The following SCAPER variants were observed in gnomAD, a reference collection of about 807,000 sequenced individuals.
SCAPER encodes the protein S phase cyclin A-associated protein in the endoplasmic reticulum.
SCAPER carries 98 observed loss-of-function variants against 182.2 expected under a neutral mutation model. The observed-to-expected ratio is 0.54, with a 90% CI of 0.46 to 0.64. The LOEUF (loss-of-function observed/expected upper bound fraction) is 0.64. SCAPER is among the 30% of genes least tolerant of loss of function. The pLI, the probability that SCAPER is intolerant of heterozygous loss-of-function variation, is 0.00. For synonymous variants in SCAPER, 605 were observed against 564.6 expected (o/e 1.07, Z -1.01); for missense variants, 1,432 against 1,690.0 (o/e 0.85, Z 2.68).
At chr15:76,375,820 C>T (rs1469335420) in intron 29 of SCAPER, among the ~76,000 whole-genome samples, 1 of 152,048 alleles carries the variant, frequency 6.6e-6, no homozygotes, top group Non-Finnish European at 1.5e-5. Context: ...CCCATCTCTA[C>T]TAAAAATACA....
At chr15:76,749,143 C>T (rs1247716658) in intron 15 of SCAPER, among the ~76,000 whole-genome samples, 1 of 151,116 alleles carries the variant, frequency 6.6e-6, no homozygotes, top group East Asian at 1.9e-4. Context: ...CACCAATACA[C>T]AAAAATGATA....
chr15:76,800,734 G>C (rs2065721799), intron 6 of SCAPER, among the ~76,000 whole-genome samples: 2 of 152,232 alleles, frequency 1.3e-5, no homozygotes, highest in South Asian at 4.1e-4. Context: ...CAATCTACTT[G>C]TCTCTGATGT....
At chr15:76,686,007 G>A (rs570506391) in intron 20 of SCAPER, among the ~76,000 whole-genome samples, 85 of 152,070 alleles carry the variant, frequency 5.6e-4, no homozygotes, top group Middle Eastern at 3.4e-3. Context: ...CTTTTATAAC[G>A]TAAGATAGAG....
At chr15:76,785,604 A>G (rs1211996009) in intron 8 of SCAPER, among the ~76,000 whole-genome samples, 1 of 152,250 alleles carries the variant, frequency 6.6e-6, no homozygotes, top group Non-Finnish European at 1.5e-5. Flanking sequence ...ACTATTCACA[A>G]TAGAAAAGAC....
rs11395127 is a variant in SCAPER at position 76,799,287 on chromosome 15, A to ATT, written c.611+959_611+960dup. 4.1e-3 allele frequency among the ~76,000 whole-genome samples: 573 copies of ATT among 140,438 alleles called. 8 individuals are homozygous for ATT. The highest frequency in any genetic ancestry group is 0.032 in the South Asian group (143 of 4,408). The allele number at this position is 140,438 out of a possible 152,430, so 92.1% of individuals were successfully genotyped here. A position where few individuals can be genotyped will look rare whatever the true frequency, so the allele number is the denominator to read the frequency against. ...AAAAGCTAAACTATAATCTCCTGGA[A>ATT]TTTTTTTTTTTTTTTTGAGACGGAG... On this transcript the variant is annotated intron_variant, in intron 7 of 31. Transcript: ENST00000563290.
At chr15:76,404,317 A>G (rs764466890) in intron 27 of SCAPER, among the ~76,000 whole-genome samples, 76 of 152,246 alleles carry the variant, frequency 5.0e-4, no homozygotes, top group Middle Eastern at 3.4e-3. Flanking sequence ...GACACCAACA[A>G]GAAAAAAAGA....
intron 17 of SCAPER, among the ~76,000 whole-genome samples, chr15:76,725,430 C>G (rs746031052): frequency 5.7e-5 from 8 of 139,152 alleles, no homozygotes; most frequent in Non-Finnish European, 1.6e-5. Context: ...AAAAAAAAAG[C>G]CATACTTCCC....
In SCAPER at chr15:76,353,937, T is replaced by A; in HGVS notation, c.4047+12A>T. On this transcript the variant is annotated intron_variant, in intron 30 of 31. Transcript: ENST00000563290. ...CACAAAGCTAGACAATTACGTATAA[T>A]GTAGAAGGTACCTGAATGAAAGTGG... 2.6e-6 allele frequency: 4 copies of A among 1,544,936 alleles called. No individual in the cohort carries two copies. Among genetic ancestry groups the A allele is most frequent in the Non-Finnish European group, 3.5e-6 (4 of 1,152,334 alleles).
intron 23 of SCAPER, among the ~76,000 whole-genome samples, chr15:76,536,755 A>G (rs1005966355): frequency 2.0e-5 from 3 of 152,180 alleles, no homozygotes; most frequent in Non-Finnish European, 2.9e-5. Context: ...GTATTCAATT[A>G]GGAAAAGAGG....
At chr15:76,574,363 C>T (rs1597457171) in intron 22 of SCAPER, 79 bp from the exon 23 acceptor site, 4 of 1,486,148 alleles carry the variant, frequency 2.7e-6, no homozygotes, top group African/African-American at 2.8e-5. Flanking sequence ...CTTTGAAACA[C>T]AAGTTACTTT....
rs572073303 is a variant in SCAPER, at chr15:76,757,648, G to C, written c.1726-3700C>G. On this transcript the variant is annotated intron_variant, in intron 14 of 31. Transcript: ENST00000563290. ...CCAGAAGAAGAACTGCTGATCGTAT[G>C]ACAGGCTCTATTTTAATTTTTTGAG... Among the ~76,000 whole-genome samples, 66 of 152,220 alleles carry C rather than the reference G, an allele frequency of 4.3e-4. 1 individual carries two copies. In the South Asian group the frequency reaches 7.5e-3, roughly 17 times the overall value.
intron 15 of SCAPER, among the ~76,000 whole-genome samples, chr15:76,733,991 T>C (rs192856673): frequency 1.2e-4 from 19 of 152,360 alleles, no homozygotes; most frequent in Admixed American, 6.5e-5. Flanking sequence ...TAAATTCTTA[T>C]ACAGACCATC....
At chr15:76,795,023 T>C (rs2065228431) in intron 8 of SCAPER, among the ~76,000 whole-genome samples, 1 of 152,208 alleles carries the variant, frequency 6.6e-6, no homozygotes, top group African/African-American at 2.4e-5. Flanking sequence ...AAGGATCTTA[T>C]AATGAATAAA....
chr15:76,413,338 C>T (rs540120218), intron 26 of SCAPER, among the ~76,000 whole-genome samples: 4 of 152,144 alleles, frequency 2.6e-5, no homozygotes, highest in Admixed American at 6.5e-5. Flanking sequence ...TTATTATGTA[C>T]GATTTAGCTG....
intron 8 of SCAPER, among the ~76,000 whole-genome samples, chr15:76,780,976 TCTC>T (rs2064090283): frequency 1.3e-5 from 2 of 152,056 alleles, no homozygotes. Flanking sequence ...GAGCGCCTCT[TCTC>T]CTCCAAAGGA....
rs932877450 is a variant in SCAPER at position 76,463,633 on chromosome 15, C to A, written c.3078+7579G>T. 7.2e-5 allele frequency among the ~76,000 whole-genome samples: 11 copies of A among 151,986 alleles called. No individual in the cohort carries two copies. In the South Asian group the frequency reaches 1.2e-3, roughly 17 times the overall value. On this transcript the variant is annotated intron_variant, in intron 25 of 31. Transcript: ENST00000563290. ...TCACTATGAATTAAAAATAAGACTGCTAATAAAATATTTAATGCCTTTTAA... is the reference window on the plus strand; with the variant it reads ...TCACTATGAATTAAAAATAAGACTGATAATAAAATATTTAATGCCTTTTAA...
In SCAPER at chr15:76,624,947, T is replaced by C. The variant is rs146907412; in HGVS notation, c.2646-3118A>G. On this transcript the variant is annotated intron_variant, in intron 21 of 31. Coordinates refer to ENST00000563290, the MANE Select transcript of SCAPER (RefSeq NM_020843.4). ...CTGGATCCCAAATAGTTCACTCTCA[T>C]GTTGTTGGTGGTAGCCTTCATGGGC... 5.1e-4 allele frequency among the ~76,000 whole-genome samples: 77 copies of C among 152,200 alleles called. 1 individual carries two copies. The highest frequency in any genetic ancestry group is 1.7e-3 in the African/African-American group (72 of 41,540).
chr15:76,446,592 G>A (rs991494902), intron 25 of SCAPER, among the ~76,000 whole-genome samples: 1 of 152,162 alleles, frequency 6.6e-6, no homozygotes, highest in African/African-American at 2.4e-5. Flanking sequence ...CTTCAGGCAA[G>A]CTCAATAGAA....
chr15:76,569,944 GTCTGTT>G (rs1231205982), intron 23 of SCAPER, among the ~76,000 whole-genome samples: 5 of 151,974 alleles, frequency 3.3e-5, no homozygotes, highest in Non-Finnish European at 4.4e-5. Flanking sequence ...GCATCTGTAG[GTCTGTT>G]TCTATTGGTT....
Sources: gnomAD v4.1 joint callset for allele counts (sites outside exome capture counted in the v4.1 genomes callset) on GRCh38, gnomAD v4.1.1 for gene constraint, MANE v1.5 for transcripts, NCBI Gene and HGNC (gene_info 2026-07-23, HGNC 2026-07-21) for gene names.